Variants in VPS52 observed in about 807,000 individuals in gnomAD.
VPS52 encodes VPS52 subunit of GARP complex, also known as vacuolar protein sorting-associated protein 52 homolog.
Under a neutral mutation model 98.7 loss-of-function variants are expected in VPS52, and 56 were observed. That is an observed-to-expected ratio of 0.57 (90% CI 0.46 to 0.71). The LOEUF is 0.71. Among genes scored for constraint, VPS52 ranks in the 30% least tolerant of loss-of-function variants. The pLI, the probability that VPS52 is intolerant of heterozygous loss-of-function variation, is 0.00. For synonymous variants in VPS52, 348 were observed against 346.4 expected, an observed-to-expected ratio of 1.00 and a Z score of -0.05; for missense variants, 742 against 925.9, an observed-to-expected ratio of 0.80 and a Z score of 2.58.
At chr6:33,258,872 G>T (rs1449775379) in intron 17 of VPS52, among the ~76,000 whole-genome samples, 3 of 151,898 alleles carry the variant, frequency 2.0e-5, no homozygotes, top group Non-Finnish European at 2.9e-5. Flanking sequence ...GCCACAAGCC[G>T]ATTTTTAAAA....
Position 33,264,363 on chromosome 6 carries a change from C to T in VPS52, c.1524+11G>A, listed in dbSNP as rs1455733754. 6.2e-6 allele frequency: 10 copies of T among 1,613,442 alleles called. No individual in the cohort carries two copies. Among genetic ancestry groups the T allele is most frequent in the Admixed American group, 1.7e-5 (1 of 59,888 alleles). On this transcript the variant is annotated intron_variant, in intron 14 of 19. Transcript: ENST00000445902. Reference sequence around the variant, plus strand: ...TTTCAAGAACCCTTTGTTACCCTTGCCCTCCCTCACATAGTGGGGCCGAGT... The same window carrying T: ...TTTCAAGAACCCTTTGTTACCCTTGTCCTCCCTCACATAGTGGGGCCGAGT...
At position 33,271,635 on chromosome 6, in the gene VPS52, A is replaced by G. The variant is rs755656067; in HGVS notation, c.41T>C (p.Leu14Pro). The G allele has an allele frequency of 2.5e-6, 4 of 1,611,360 alleles. No individual in the cohort carries two copies. The highest frequency in any genetic ancestry group is 3.3e-5 in the Admixed American group (2 of 59,924). ...ATCTGAGGTCCCAGCCCGCAACACC[A>G]GTTCCCGGGCCGCAGCCGCCATGGT... Reference protein sequence around the residue: ...AATMAAAARELVLRAGTSDME... With the variant: ...AATMAAAAREPVLRAGTSDME... Residue 14 changes from leucine (L) to proline (P), a missense_variant, in exon 1 of 20, where the codon CTG becomes CCG. By Grantham distance (98) the Leu-to-Pro change is moderately conservative. Coordinates refer to ENST00000445902, the MANE Select transcript of VPS52 (RefSeq NM_022553.6).
At chr6:33,251,792 G>C (rs1251536475) in intron 18 of VPS52, 68 bp downstream of exon 18, 2 of 1,521,186 alleles carry the variant, frequency 1.3e-6, no homozygotes, top group African/African-American at 1.4e-5. Context: ...CATGTAATCT[G>C]CATCCTTTCA....
At chr6:33,265,898 G>A (rs538886714) in intron 12 of VPS52, among the ~76,000 whole-genome samples, 22 of 151,964 alleles carry the variant, frequency 1.4e-4, no homozygotes, top group African/African-American at 4.8e-4. Context: ...ATGGAGTCTC[G>A]CTCTGTCACC....
chr6:33,263,753 GAGA>G lies in VPS52; in HGVS notation c.1728+16_1728+18del, dbSNP rs764554006. On this transcript the variant is annotated intron_variant, in intron 16 of 19. Transcript: ENST00000445902. ...CGAATTTTCTGGGTAGGAAGGCAAG[GAGA>G]AGGAGCACCTATTACCATCAGCACA... 7 of 1,613,962 alleles carry G rather than the reference GAGA, an allele frequency of 4.3e-6. No individual in the cohort carries two copies. In the South Asian group the frequency reaches 6.6e-5, roughly 15 times the overall value.
At position 33,252,011 on chromosome 6, in the gene VPS52, TCAG is replaced by T. The variant is rs1314706412; in HGVS notation, c.1795-43_1795-41del. ...ACACATATACACAGGTGTCCTGGTG[TCAG>T]CAGATTTGCCCAATTCTGGCATCAT... On this transcript the variant is annotated intron_variant, in intron 17 of 19. Coordinates refer to ENST00000445902, the MANE Select transcript of VPS52 (RefSeq NM_022553.6). The T allele has an allele frequency of 3.8e-6, 6 of 1,572,110 alleles. No homozygotes were observed. The Admixed American group carries it at 8.4e-5, about 22-fold the overall frequency.
At chr6:33,260,564 C>G (rs774388324) in intron 17 of VPS52, among the ~76,000 whole-genome samples, 1 of 152,270 alleles carries the variant, frequency 6.6e-6, no homozygotes, top group African/African-American at 2.4e-5. Flanking sequence ...CTGTGCTTCT[C>G]GTGCACAGGT....
At chr6:33,263,276 A>C (rs1361326771) in intron 17 of VPS52, among the ~76,000 whole-genome samples, 3 of 122,406 alleles carry the variant, frequency 2.5e-5, no homozygotes, top group Non-Finnish European at 2.0e-5. Flanking sequence ...AAAAAAAAAA[A>C]AAAAAAAACC....
chr6:33,270,950 C>CAAA lies in VPS52; in HGVS notation c.90+633_90+635dup, dbSNP rs9280391. On this transcript the variant is annotated intron_variant, in intron 1 of 19. Transcript: ENST00000445902. Reference sequence around the variant, plus strand: ...TGGGCGACAGAGCAAGACTCCGTCTCAAAAAAAAAAAAAAAAAAAAAAAAG... The same window carrying CAAA: ...TGGGCGACAGAGCAAGACTCCGTCTCAAAAAAAAAAAAAAAAAAAAAAAAAAAG... Among the ~76,000 whole-genome samples the CAAA allele has an allele frequency of 1.1e-3, 92 of 84,658 alleles. 1 individual carries two copies. Among genetic ancestry groups the CAAA allele is most frequent in the African/African-American group, 3.7e-3 (65 of 17,692 alleles). The allele number at this position is 84,658 out of a possible 152,430, so 55.5% of individuals were successfully genotyped here. A position where few individuals can be genotyped will look rare whatever the true frequency, so the allele number is the denominator to read the frequency against.
chr6:33,261,244 A>ACAGGAG (rs1562550530), intron 17 of VPS52, among the ~76,000 whole-genome samples: 2 of 151,764 alleles, frequency 1.3e-5, no homozygotes, highest in Non-Finnish European at 2.9e-5. Context: ...AGGTGGGAGG[A>ACAGGAG]TCACTTGAAG....
chr6:33,255,462 C>A (rs926398567), intron 17 of VPS52, among the ~76,000 whole-genome samples: 1 of 117,262 alleles, frequency 8.5e-6, no homozygotes, highest in Admixed American at 9.0e-5. Flanking sequence ...CTACGCCTGG[C>A]TTTTTTTTTT....
At chr6:33,266,818 CAGACCCTTCGCAT>C in intron 11 of VPS52, 106 bp from the exon 12 acceptor site, 1 of 1,408,070 alleles carries the variant, frequency 7.1e-7, no homozygotes, top group Non-Finnish European at 9.5e-7. Context: ...AAGAGCTAGG[CAGACCCTTCGCAT>C]CTATCTAGGT....
At chr6:33,254,787 T>G (rs904257920) in intron 17 of VPS52, 1 of 152,066 alleles carries the variant, frequency 6.6e-6, no homozygotes, top group Non-Finnish European at 1.5e-5. Flanking sequence ...TTATCCCACC[T>G]CAGCCTCCTG....
chr6:33,260,962 G>C (rs901003761), intron 17 of VPS52, among the ~76,000 whole-genome samples: 29 of 151,648 alleles, frequency 1.9e-4, no homozygotes, highest in African/African-American at 7.0e-4. Context: ...TCGTATCGCT[G>C]CACTCCAGTG....
chr6:33,256,463 CAAAAAAAAAAAAAAAAAAAAAAA>C (rs9280385), intron 17 of VPS52, among the ~76,000 whole-genome samples: 41 of 83,742 alleles, frequency 4.9e-4, no homozygotes, highest in African/African-American at 1.6e-3. Context: ...AAACCTGTCT[CAAAAAAAAAAAAAAAAAAAAAAA>C]AAAAAAAAAA....
At chr6:33,269,596 G>A (rs1331491429) in intron 4 of VPS52, 39 bp from the exon 5 acceptor site, 1 of 1,594,576 alleles carries the variant, frequency 6.3e-7, no homozygotes. Context: ...TGGTGAAGAT[G>A]GGAGATCCTC....
intron 17 of VPS52, among the ~76,000 whole-genome samples, chr6:33,263,275 A>C (rs112057045): frequency 6.7e-5 from 10 of 148,854 alleles, no homozygotes; most frequent in Non-Finnish European, 7.4e-5. Context: ...AAAAAAAAAA[A>C]AAAAAAAAAC....
intron 12 of VPS52, among the ~76,000 whole-genome samples, chr6:33,265,485 G>A (rs370767433): frequency 6.6e-6 from 1 of 152,278 alleles, no homozygotes; most frequent in East Asian, 1.9e-4. Flanking sequence ...TCCCACCTCA[G>A]CCTGCCAAGC....
intron 14 of VPS52, 69 bp from the exon 15 acceptor site, chr6:33,264,172 T>C (rs1763995052): frequency 6.3e-7 from 1 of 1,582,724 alleles, no homozygotes; most frequent in Non-Finnish European, 8.7e-7. Flanking sequence ...CCAACTTCCT[T>C]AGCCAACCCA....
Sources: gnomAD v4.1 joint callset for allele counts (sites outside exome capture counted in the v4.1 genomes callset) on GRCh38, gnomAD v4.1.1 for gene constraint, MANE v1.5 for transcripts, NCBI Gene and HGNC (gene_info 2026-07-23, HGNC 2026-07-21) for gene names.